THRAP3: variants seen among roughly 807,000 people sequenced by gnomAD.
THRAP3 encodes the protein thyroid hormone receptor associated protein 3, also known as thyroid hormone receptor-associated protein 3.
Under a neutral mutation model 101.0 loss-of-function variants are expected in THRAP3, and 16 were observed. The observed-to-expected ratio is 0.16, with a 90% CI of 0.11 to 0.24. The LOEUF is 0.24. Ranked by LOEUF, THRAP3 falls within the 10% of genes least tolerant of loss-of-function variation. THRAP3 has a pLI of 1.00. For synonymous variants in THRAP3, 407 were observed against 422.6 expected, an observed-to-expected ratio of 0.96 and a Z score of 0.45; for missense variants, 989 against 1,202.7, an observed-to-expected ratio of 0.82 and a Z score of 2.63.
chr1:36,216,216 A>C, the THRAP3 span, among the ~76,000 whole-genome samples: 1 of 151,966 alleles, frequency 6.6e-6, no homozygotes, highest in Non-Finnish European at 1.5e-5. Flanking sequence ...GTGTCTCTAC[A>C]AAAAATTAAA....
At chr1:36,244,138 G>T (rs970255547) in intron 1 of THRAP3, among the ~76,000 whole-genome samples, 1 of 152,230 alleles carries the variant, frequency 6.6e-6, no homozygotes, top group Admixed American at 6.5e-5. Flanking sequence ...AAGGAAGAGG[G>T]TTGCCATTTG....
In THRAP3 at chr1:36,304,027, T is replaced by C; in HGVS notation, c.*10T>C. 1.3e-6 allele frequency: 2 copies of C among 1,502,004 alleles called. No homozygotes were observed. The highest frequency in any genetic ancestry group is 2.4e-5 in the Admixed American group (1 of 42,052). The allele number at this position is 1,502,004 out of a possible 1,614,324, so 93.0% of individuals were successfully genotyped here. The stretch of plus-strand genomic sequence containing the variant: ...GCCCACAACCGAGTAGGGGCCACCC[T>C]TGACGGGATTCCTGCCCAGGGGAGA... On this transcript the variant is annotated 3_prime_UTR_variant, in exon 12 of 12. Transcript: ENST00000354618.
Position 36,286,189 on chromosome 1 carries a change from C to A in THRAP3, c.138-179C>A, listed in dbSNP as rs1375402118. On this transcript the variant is annotated intron_variant, in intron 3 of 11. Coordinates refer to ENST00000354618, the MANE Select transcript of THRAP3 (RefSeq NM_005119.4). The surrounding 1 kb of genome is among the most constrained non-coding windows in gnomAD (Gnocchi z 5.5). The stretch of plus-strand genomic sequence containing the variant: ...CATCACTTGTTCAAATGATTCTTAT[C>A]CATGTTTTTGTACTTAGTAAGGGCC... 5.3e-5 allele frequency among the ~76,000 whole-genome samples: 8 copies of A among 152,136 alleles called. No homozygotes were observed. The highest frequency in any genetic ancestry group is 5.2e-4 in the Admixed American group (8 of 15,270).
chr1:36,214,006 GAAAGAAAGAA>G, the THRAP3 span, among the ~76,000 whole-genome samples: 1 of 35,220 alleles, frequency 2.8e-5, no homozygotes, highest in African/African-American at 1.1e-4. Context: ...AGGAAAGAAA[GAAAGAAAGAA>G]AGAAAGAAAG....
intron 2 of THRAP3, among the ~76,000 whole-genome samples, chr1:36,277,410 G>A (rs1197565862): frequency 6.6e-6 from 1 of 151,940 alleles, no homozygotes; most frequent in African/African-American, 2.4e-5. Flanking sequence ...ATGTTGGTCA[G>A]GCTGGTCTCG....
At chr1:36,235,240 C>CT (rs1645072085) in intron 1 of THRAP3, among the ~76,000 whole-genome samples, 1 of 151,998 alleles carries the variant, frequency 6.6e-6, no homozygotes. Context: ...TTATAATTTT[C>CT]TTTTTTCTGT....
intron 6 of THRAP3, among the ~76,000 whole-genome samples, chr1:36,292,252 G>GTTTTTTTTTTTTT (rs1557453511): frequency 3.5e-5 from 2 of 57,502 alleles, no homozygotes; most frequent in Non-Finnish European, 3.3e-5. Context: ...AACATAATGT[G>GTTTTTTTTTTTTT]TTTCTTTGTT....
intron 2 of THRAP3, among the ~76,000 whole-genome samples, chr1:36,281,113 G>T (rs1645726209): frequency 2.0e-5 from 3 of 151,908 alleles, no homozygotes; most frequent in Admixed American, 2.0e-4. Context: ...CACCATGTTG[G>T]CCACGCTGGT....
At chr1:36,297,903 T>C (rs991917949) in intron 9 of THRAP3, among the ~76,000 whole-genome samples, 4 of 150,688 alleles carry the variant, frequency 2.7e-5, no homozygotes, top group Admixed American at 2.0e-4. Context: ...TCCCAGCACT[T>C]TGGGAGGCCG....
intron 1 of THRAP3, among the ~76,000 whole-genome samples, chr1:36,229,128 C>T (rs925933313): frequency 1.3e-5 from 2 of 152,038 alleles, no homozygotes; most frequent in Non-Finnish European, 2.9e-5. Flanking sequence ...GATGGAGCCT[C>T]GCTCTGTTGC....
At chr1:36,233,166 C>G (rs1156620433) in intron 1 of THRAP3, among the ~76,000 whole-genome samples, 1 of 150,630 alleles carries the variant, frequency 6.6e-6, no homozygotes, top group Non-Finnish European at 1.5e-5. Flanking sequence ...CTGCACCTGG[C>G]CATCGAACTG....
intron 5 of THRAP3, among the ~76,000 whole-genome samples, chr1:36,290,724 C>T (rs1019001435): frequency 3.9e-5 from 6 of 152,186 alleles, no homozygotes; most frequent in Non-Finnish European, 7.3e-5. Flanking sequence ...CCTTAGCCTC[C>T]CAAAGTGCTG....
chr1:36,299,455 A>G (rs1456333480), intron 9 of THRAP3, among the ~76,000 whole-genome samples: 2 of 151,884 alleles, frequency 1.3e-5, no homozygotes, highest in Non-Finnish European at 2.9e-5. Context: ...ACAAAAAAAG[A>G]CAATGCAAAG....
At chr1:36,276,749 C>T (rs750409442) in intron 2 of THRAP3, among the ~76,000 whole-genome samples, 21 of 151,370 alleles carry the variant, frequency 1.4e-4, no homozygotes, top group Non-Finnish European at 2.9e-4. Flanking sequence ...CCCAGCTACT[C>T]GAGAGGCTGA....
At chr1:36,299,498 TTTTTG>T (rs1221243730) in intron 9 of THRAP3, among the ~76,000 whole-genome samples, 5 of 151,706 alleles carry the variant, frequency 3.3e-5, no homozygotes, top group African/African-American at 9.7e-5. Flanking sequence ...GAGTCTTTTT[TTTTTG>T]TTTTGTTTTG....
intron 9 of THRAP3, among the ~76,000 whole-genome samples, chr1:36,298,319 G>A (rs958554772): frequency 6.6e-6 from 1 of 152,168 alleles, no homozygotes. Context: ...GGAAGTGGTA[G>A]TACAGTAGTG....
At chr1:36,271,147 T>C (rs929982671) in intron 2 of THRAP3, among the ~76,000 whole-genome samples, 5 of 152,220 alleles carry the variant, frequency 3.3e-5, no homozygotes, top group African/African-American at 1.2e-4. Context: ...TATATAGATA[T>C]GTCTTATATG....
the THRAP3 span, among the ~76,000 whole-genome samples, chr1:36,212,725 A>C: frequency 6.6e-6 from 1 of 152,072 alleles, no homozygotes; most frequent in Non-Finnish European, 1.5e-5. Context: ...CAGCAGGGAC[A>C]ACTTTACAAT....
intron 1 of THRAP3, among the ~76,000 whole-genome samples, chr1:36,253,716 C>T (rs1645336805): frequency 6.7e-6 from 1 of 148,936 alleles, no homozygotes; most frequent in South Asian, 2.1e-4. Flanking sequence ...GTCCCAGCTT[C>T]CTGAATAGCT....
Sources: gnomAD v4.1 joint callset for allele counts (sites outside exome capture counted in the v4.1 genomes callset) on GRCh38, gnomAD v4.1.1 for gene constraint, Gnocchi (gnomAD v3.1) non-coding constraint, MANE v1.5 for transcripts, NCBI Gene and HGNC (gene_info 2026-07-23, HGNC 2026-07-21) for gene names.